SLC26A4: variants seen among roughly 807,000 people sequenced by gnomAD.
SLC26A4 encodes the protein solute carrier family 26 member 4, also known as pendrin.
A neutral mutation model predicts 90.4 loss-of-function variants in SLC26A4; 93 were observed. The observed-to-expected ratio is 1.03, with a 90% CI of 0.87 to 1.22. The LOEUF is 1.22. Among genes scored for constraint, SLC26A4 ranks in the 50% most tolerant of loss-of-function variants. SLC26A4 has a pLI of 0.00. For missense variants in SLC26A4, 1,127 were observed against 946.2 expected, an observed-to-expected ratio of 1.19 and a Z score of -2.51; for synonymous variants, 393 against 354.6, an observed-to-expected ratio of 1.11 and a Z score of -1.22.
At chr7:107,713,557 T>C (rs1167935306) in intron 20 of SLC26A4, among the ~76,000 whole-genome samples, 1 of 152,176 alleles carries the variant, frequency 6.6e-6, no homozygotes, top group Non-Finnish European at 1.5e-5. Context: ...TTCTATTCCT[T>C]ACAAACAAGC....
Position 107,661,926 on chromosome 7 carries a change from T to TCTGG in SLC26A4, c.164+121_164+122insCTGG. 8.7e-7 allele frequency: 1 copy of TCTGG among 1,151,586 alleles called. No homozygotes were observed. Among genetic ancestry groups the TCTGG allele is most frequent in the Non-Finnish European group, 1.2e-6 (1 of 836,528 alleles). 71.3% of individuals were successfully genotyped at this position (1,151,586 alleles called of 1,614,324 possible). ...GGCGGCGGAGCCCCTGGGCGCCAGC[T>TCTGG]GCTTCTCCCAGAGGCCCGACTTTCG... On this transcript the variant is annotated intron_variant, in intron 2 of 20. Coordinates refer to ENST00000644269, the MANE Select transcript of SLC26A4 (RefSeq NM_000441.2). This position sits in a 1 kb window ranked among gnomAD's most constrained non-coding sequence, Gnocchi z 5.1.
intron 6 of SLC26A4, among the ~76,000 whole-genome samples, chr7:107,675,981 C>T (rs932189764): frequency 6.6e-6 from 1 of 152,212 alleles, no homozygotes; most frequent in Non-Finnish European, 1.5e-5. Context: ...ACAAAGTGGT[C>T]TAATGAAGTA....
At chr7:107,668,571 C>A (rs1468312816) in intron 3 of SLC26A4, among the ~76,000 whole-genome samples, 1 of 152,082 alleles carries the variant, frequency 6.6e-6, no homozygotes, top group Non-Finnish European at 1.5e-5. Context: ...CAGGAAGTTG[C>A]TAAGGATGAT....
At position 107,661,298 on chromosome 7, in the gene SLC26A4, A is replaced by T. The variant is rs1293453110; in HGVS notation, c.-3-341A>T. The T allele has an allele frequency of 7.5e-6, 3 of 399,676 alleles. No individual in the cohort carries two copies. Among genetic ancestry groups the T allele is most frequent in the African/African-American group, 6.3e-5 (3 of 47,308 alleles). 24.8% of individuals were successfully genotyped at this position (399,676 alleles called of 1,614,324 possible). ...AGCCCCTCGGTTTGGGGGAGATTTC[A>T]GAACGCGGACAGCGCCCTGGCTGCG... On this transcript the variant is annotated intron_variant, in intron 1 of 20. Coordinates refer to ENST00000644269, the MANE Select transcript of SLC26A4 (RefSeq NM_000441.2). The surrounding 1 kb of genome is among the most constrained non-coding windows in gnomAD (Gnocchi z 5.1).
chr7:107,700,958 C>A, intron 15 of SLC26A4, 143 bp from the exon 16 acceptor site: 3 of 648,096 alleles, frequency 4.6e-6, no homozygotes, highest in Non-Finnish European at 5.7e-6. Flanking sequence ...CAGAGATCTA[C>A]TCCATCAGAC....
In SLC26A4 at chr7:107,689,212, C is replaced by A. The variant is rs775773016; in HGVS notation, c.1149+12C>A. 1.2e-6 allele frequency: 2 copies of A among 1,613,230 alleles called. No homozygotes were observed. Among genetic ancestry groups the A allele is most frequent in the Admixed American group, 3.3e-5 (2 of 59,970 alleles). On this transcript the variant is annotated intron_variant, in intron 9 of 20. Transcript: ENST00000644269. ...TCGATGGGAACCAGGTATGGGTGCC[C>A]TTTTGCTGAACTGGTTTTATAGGGC...
In SLC26A4 at chr7:107,661,509, C is replaced by T; in HGVS notation, c.-3-130C>T. On this transcript the variant is annotated intron_variant, in intron 1 of 20. Transcript: ENST00000644269. The surrounding 1 kb of genome is among the most constrained non-coding windows in gnomAD (Gnocchi z 5.1). The stretch of plus-strand genomic sequence containing the variant: ...AGCGCCGAGGGCTGCAGGACGCGGA[C>T]CAGACTCGCGGTGCAGGGGGGCCTG... The T allele has an allele frequency of 9.3e-7, 1 of 1,075,452 alleles. No homozygotes were observed. Among genetic ancestry groups the T allele is most frequent in the Non-Finnish European group, 1.4e-6 (1 of 736,842 alleles). The allele number at this position is 1,075,452 out of a possible 1,614,324, so 66.6% of individuals were successfully genotyped here.
intron 2 of SLC26A4, 108 bp from the exon 3 acceptor site, chr7:107,663,188 T>C (rs1562818357): frequency 8.0e-7 from 1 of 1,247,168 alleles, no homozygotes; most frequent in African/African-American, 1.5e-5. Flanking sequence ...CTTATCCTTT[T>C]TCCAAATAGT....
At chr7:107,675,349 A>T (rs1478234116) in intron 6 of SLC26A4, among the ~76,000 whole-genome samples, 1 of 150,578 alleles carries the variant, frequency 6.6e-6, no homozygotes, top group Non-Finnish European at 1.5e-5. Context: ...AAATCCAAAA[A>T]TCCGAAAATT....
chr7:107,681,260 C>G (rs887207273), intron 6 of SLC26A4, among the ~76,000 whole-genome samples: 27 of 152,126 alleles, frequency 1.8e-4, no homozygotes, highest in African/African-American at 6.5e-4. Context: ...AATGCCTGAA[C>G]TCTAGTCCAA....
Position 107,698,086 on chromosome 7 carries a change from A to G in SLC26A4, c.1589A>G (p.Tyr530Cys). 1.2e-6 allele frequency: 2 copies of G among 1,609,940 alleles called. No individual in the cohort carries two copies. The highest frequency in any genetic ancestry group is 2.2e-5 in the East Asian group (1 of 44,844). Residue 530 changes from tyrosine (Y) to cysteine (C), a missense_variant, in exon 14 of 21, where the codon TAC (tyrosine) becomes TGC (cysteine). By Grantham distance (194) the Tyr-to-Cys change is radical (BLOSUM62 -2). Coordinates refer to ENST00000644269, the MANE Select transcript of SLC26A4 (RefSeq NM_000441.2). ...GGAAGCATCCCTAGCACAGATATCT[A>G]CAAAAGTACCAAGAATTACAAAAAC... ...GLGSIPSTDI[Y>C]KSTKNYKNIE...
At chr7:107,682,783 C>T (rs1156841066) in intron 6 of SLC26A4, among the ~76,000 whole-genome samples, 1 of 152,048 alleles carries the variant, frequency 6.6e-6, no homozygotes, top group Non-Finnish European at 1.5e-5. Flanking sequence ...AAAAATCAGG[C>T]TACTTGATAG....
intron 8 of SLC26A4, among the ~76,000 whole-genome samples, chr7:107,686,267 T>TCCTTCCCTCCCTTCCCTCCCTTTCCTC (rs1791397950): frequency 3.5e-5 from 5 of 141,918 alleles, no homozygotes; most frequent in Non-Finnish European, 6.2e-5. Flanking sequence ...TTTCTTCCCT[T>TCCTTCCCTCCCTTCCCTCCCTTTCCTC]CCTTCCCTCC....
At chr7:107,702,786 A>G (rs1315258373) in intron 17 of SLC26A4, among the ~76,000 whole-genome samples, 1 of 152,150 alleles carries the variant, frequency 6.6e-6, no homozygotes, top group African/African-American at 2.4e-5. Flanking sequence ...AACAAGTGGT[A>G]TATGAAAAGA....
chr7:107,674,416 G>A (rs2129311801), intron 5 of SLC26A4, 68 bp downstream of exon 5: 2 of 1,197,458 alleles, frequency 1.7e-6, no homozygotes, highest in South Asian at 2.5e-5. Context: ...AAAGCATATA[G>A]ACTTAAAGAT....
At chr7:107,677,866 T>A (rs1411009447) in intron 6 of SLC26A4, among the ~76,000 whole-genome samples, 2 of 152,120 alleles carry the variant, frequency 1.3e-5, no homozygotes, top group African/African-American at 4.8e-5. Flanking sequence ...ATCCTCTCAC[T>A]TTGGCCTCCC....
In SLC26A4 at chr7:107,689,452, A is replaced by G. The variant is rs1041822210; in HGVS notation, c.1149+252A>G. On this transcript the variant is annotated intron_variant, in intron 9 of 20. Transcript: ENST00000644269. Reference sequence around the variant, plus strand: ...AGCTAATTCAGTCAGGTCATAAATAACATTCAAAGTGAACATATTAGGTCA... The same window carrying G: ...AGCTAATTCAGTCAGGTCATAAATAGCATTCAAAGTGAACATATTAGGTCA... Among the ~76,000 whole-genome samples, 13 of 152,340 alleles carry G rather than the reference A, an allele frequency of 8.5e-5. No individual in the cohort carries two copies. In the South Asian group the frequency reaches 1.0e-3, roughly 12 times the overall value.
intron 3 of SLC26A4, among the ~76,000 whole-genome samples, chr7:107,664,886 G>A (rs563098698): frequency 1.2e-3 from 179 of 152,092 alleles, no homozygotes; most frequent in African/African-American, 4.1e-3. Flanking sequence ...CAGAAATATC[G>A]TTATTTATTA....
In SLC26A4 at chr7:107,691,514, T is replaced by TATATAC. The variant is rs1417607238; in HGVS notation, c.1263+1278_1263+1279insTATACA. Among the ~76,000 whole-genome samples, 66 of 131,040 alleles carry TATATAC rather than the reference T, an allele frequency of 5.0e-4. No individual in the cohort carries two copies. The South Asian group carries it at 0.01, about 21-fold the overall frequency. 86.0% of individuals were successfully genotyped at this position (131,040 alleles called of 152,430 possible). On this transcript the variant is annotated intron_variant, in intron 10 of 20. Transcript: ENST00000644269. ...CTAGACTCTGTGTCAAATATATATATACACACACACACACACACACACACA... is the reference window on the plus strand; with the variant it reads ...CTAGACTCTGTGTCAAATATATATATATATACACACACACACACACACACACACACA...
Sources: gnomAD v4.1 joint callset for allele counts (sites outside exome capture counted in the v4.1 genomes callset) on GRCh38, gnomAD v4.1.1 for gene constraint, Gnocchi (gnomAD v3.1) non-coding constraint, MANE v1.5 for transcripts, NCBI Gene and HGNC (gene_info 2026-07-23, HGNC 2026-07-21) for gene names.